The following LYPD6 variants were observed in gnomAD, a reference collection of about 807,000 sequenced individuals.
LYPD6 encodes the protein ly6/PLAUR domain-containing protein 6.
In LYPD6, 15 loss-of-function variants were observed where a neutral mutation model predicts 22.7. That is an observed-to-expected ratio of 0.66 (90% CI 0.44 to 1.02). LYPD6 has a LOEUF of 1.02. Among genes scored for constraint, LYPD6 ranks in the 50% least tolerant of loss-of-function variants. The pLI, the probability that LYPD6 is intolerant of heterozygous loss-of-function variation, is 0.00. For synonymous variants in LYPD6, 72 were observed against 77.5 expected (o/e 0.93, Z 0.37); for missense variants, 189 against 208.4 (o/e 0.91, Z 0.57).
intron 3 of LYPD6, among the ~76,000 whole-genome samples, chr2:149,455,636 C>A (rs1256023079): frequency 6.6e-6 from 1 of 152,174 alleles, no homozygotes; most frequent in African/African-American, 2.4e-5. Context: ...TAACCTTCTC[C>A]AATTCACAAT....
At chr2:149,391,900 AG>A (rs1682318270) in intron 1 of LYPD6, among the ~76,000 whole-genome samples, 1 of 152,232 alleles carries the variant, frequency 6.6e-6, no homozygotes, top group Non-Finnish European at 1.5e-5. Context: ...GAAACAAAGC[AG>A]GGGGAAGCCA....
intron 1 of LYPD6, among the ~76,000 whole-genome samples, chr2:149,429,111 T>C (rs1467420666): frequency 6.6e-6 from 1 of 152,098 alleles, no homozygotes; most frequent in Non-Finnish European, 1.5e-5. Context: ...CACATTCTCA[T>C]ACCTTGTGAT....
At chr2:149,382,770 T>TTGATAGCCTGTTTGCTATCAAAC (rs1682095723) in intron 1 of LYPD6, among the ~76,000 whole-genome samples, 1 of 35,872 alleles carries the variant, frequency 2.8e-5, no homozygotes. Context: ...AGTAGTAGAT[T>TTGATAGCCTGTTTGCTATCAAAC]TGATAGCCTA....
intron 1 of LYPD6, among the ~76,000 whole-genome samples, chr2:149,418,304 C>T (rs1045052001): frequency 2.6e-5 from 4 of 152,148 alleles, no homozygotes; most frequent in African/African-American, 7.2e-5. Flanking sequence ...AGCTGCGATT[C>T]GATCATTTCC....
At chr2:149,444,739 AG>A (rs1292849689) in intron 2 of LYPD6, among the ~76,000 whole-genome samples, 1 of 152,016 alleles carries the variant, frequency 6.6e-6, no homozygotes, top group Non-Finnish European at 1.5e-5. Context: ...TCACCTTTTC[AG>A]GCTCCGCTTC....
At chr2:149,351,095 A>G (rs1381297547) in intron 1 of LYPD6, among the ~76,000 whole-genome samples, 1 of 152,214 alleles carries the variant, frequency 6.6e-6, no homozygotes, top group Non-Finnish European at 1.5e-5. Flanking sequence ...TCACAGAGAT[A>G]TTTTAAAAAA....
At chr2:149,388,256 T>C (rs1395450527) in intron 1 of LYPD6, among the ~76,000 whole-genome samples, 2 of 151,798 alleles carry the variant, frequency 1.3e-5, no homozygotes, top group East Asian at 1.9e-4. Context: ...GCAGAGGAAG[T>C]GTACTTTGAT....
intron 1 of LYPD6, among the ~76,000 whole-genome samples, chr2:149,338,869 G>A (rs1339346156): frequency 1.3e-5 from 2 of 152,164 alleles, no homozygotes; most frequent in African/African-American, 2.4e-5. Context: ...GTCAGCAGGA[G>A]TCTTGGCAGA....
At chr2:149,386,069 A>C (rs760556094) in intron 1 of LYPD6, among the ~76,000 whole-genome samples, 2 of 152,152 alleles carry the variant, frequency 1.3e-5, no homozygotes, top group Non-Finnish European at 2.9e-5. Flanking sequence ...TTTCCTTAAA[A>C]CTTAATCCAC....
chr2:149,382,559 T>G (rs1387786532), intron 1 of LYPD6, among the ~76,000 whole-genome samples: 1 of 152,170 alleles, frequency 6.6e-6, no homozygotes, highest in African/African-American at 2.4e-5. Flanking sequence ...ATCATGTTTG[T>G]GAACCTCATG....
intron 1 of LYPD6, among the ~76,000 whole-genome samples, chr2:149,406,508 G>T (rs1255551604): frequency 1.3e-5 from 2 of 152,012 alleles, no homozygotes; most frequent in Non-Finnish European, 2.9e-5. Flanking sequence ...TGTCTCTTTT[G>T]ATCTTTGTTG....
intron 1 of LYPD6, among the ~76,000 whole-genome samples, chr2:149,356,809 T>G (rs1681458721): frequency 2.0e-5 from 3 of 152,228 alleles, no homozygotes; most frequent in Admixed American, 2.0e-4. Flanking sequence ...GGAGTCCAAA[T>G]ATTCTTGTCT....
chr2:149,475,635 T>C (rs1252501462), downstream of LYPD6, among the ~76,000 whole-genome samples: 4 of 152,172 alleles, frequency 2.6e-5, no homozygotes, highest in Non-Finnish European at 5.9e-5. Flanking sequence ...TTGCAATTGC[T>C]GGAATTGGAT....
chr2:149,456,903 T>C (rs1226212711), intron 3 of LYPD6, among the ~76,000 whole-genome samples: 1 of 152,212 alleles, frequency 6.6e-6, no homozygotes, highest in African/African-American at 2.4e-5. Context: ...TATAACTCTT[T>C]TGTATCTGAC....
rs188365649 is a variant in LYPD6, at chr2:149,362,455, T to C, written c.-72+31733T>C. ...ATATGATGGGATAAAAAGGGTATAA[T>C]GTAATAGGAATAAATTGAGGAGAAC... On this transcript the variant is annotated intron_variant, in intron 1 of 4. Coordinates refer to ENST00000334166, the MANE Select transcript of LYPD6 (RefSeq NM_194317.5). Among the ~76,000 whole-genome samples the C allele has an allele frequency of 4.6e-5, 7 of 152,234 alleles. No homozygotes were observed. In the East Asian group the frequency reaches 9.7e-4, roughly 21 times the overall value.
At chr2:149,453,539 A>G (rs1225539781) in intron 3 of LYPD6, among the ~76,000 whole-genome samples, 1 of 152,200 alleles carries the variant, frequency 6.6e-6, no homozygotes, top group Non-Finnish European at 1.5e-5. Flanking sequence ...TAGAGGACAC[A>G]TATTCTTTTG....
At chr2:149,350,020 G>A (rs1179303943) in intron 1 of LYPD6, among the ~76,000 whole-genome samples, 1 of 152,120 alleles carries the variant, frequency 6.6e-6, no homozygotes, top group Non-Finnish European at 1.5e-5. Context: ...ATAAATCTAA[G>A]GTGCATGAGT....
chr2:149,478,402 G>GCA (rs1252999770), downstream of LYPD6, among the ~76,000 whole-genome samples: 1 of 17,806 alleles, frequency 5.6e-5, no homozygotes, highest in East Asian at 2.9e-3. Context: ...GTGTGTGTGC[G>GCA]CGCACGCATG....
At chr2:149,333,761 C>G (rs895050727) in intron 1 of LYPD6, among the ~76,000 whole-genome samples, 2 of 152,070 alleles carry the variant, frequency 1.3e-5, no homozygotes, top group African/African-American at 4.8e-5. Context: ...TACCAAATGC[C>G]CCGTTATTGT....
Sources: gnomAD v4.1 joint callset for allele counts (sites outside exome capture counted in the v4.1 genomes callset) on GRCh38, gnomAD v4.1.1 for gene constraint, MANE v1.5 for transcripts, NCBI Gene and HGNC (gene_info 2026-07-23, HGNC 2026-07-21) for gene names.